SGO2: variants seen among roughly 807,000 people sequenced by gnomAD.
The protein encoded by SGO2 is shugoshin-like 2.
A neutral mutation model predicts 99.5 loss-of-function variants in SGO2; 68 were observed. The ratio of observed to expected loss-of-function variants is 0.68; its 90% CI spans 0.56 to 0.84. The LOEUF is 0.84. SGO2 is among the 40% of genes least tolerant of loss of function. The pLI, the probability that SGO2 is intolerant of heterozygous loss-of-function variation, is 0.00. For missense variants in SGO2, 1,350 were observed against 1,436.7 expected, an observed-to-expected ratio of 0.94 and a Z score of 0.97; for synonymous variants, 457 against 487.1, an observed-to-expected ratio of 0.94 and a Z score of 0.81.
At chr2:200,559,247 G>A (rs373254295) in intron 5 of SGO2, among the ~76,000 whole-genome samples, 47 of 152,216 alleles carry the variant, frequency 3.1e-4, no homozygotes, top group African/African-American at 1.1e-3. Context: ...ATCAAGTTAT[G>A]TGCTTAATGT....
chr2:200,556,001 G>C (rs567873157), intron 5 of SGO2, among the ~76,000 whole-genome samples: 1 of 152,256 alleles, frequency 6.6e-6, no homozygotes, highest in African/African-American at 2.4e-5. Context: ...TCTCACTCTT[G>C]TCATCCAGGC....
intron 5 of SGO2, among the ~76,000 whole-genome samples, chr2:200,563,454 G>T (rs1403644898): frequency 2.0e-5 from 3 of 152,178 alleles, no homozygotes; most frequent in Non-Finnish European, 4.4e-5. Context: ...GCAGGATTTG[G>T]TTTGCCAGTA....
At position 200,573,512 on chromosome 2, in the gene SGO2, C is replaced by A; in HGVS notation, c.3166C>A (p.Leu1056Ile). 1 of 1,612,298 alleles carries A rather than the reference C, an allele frequency of 6.2e-7. No individual in the cohort carries two copies. Among genetic ancestry groups the A allele is most frequent in the East Asian group, 2.2e-5 (1 of 44,826 alleles). ...QSTTTLNKKD[L>I]PFVEEIKEGE... ...CACTACCACTTTGAATAAAAAAGAT[C>A]TCCCTTTTGTGGAAGAAATAAAAGA... The change falls in exon 7 of 9, where the codon CTC becomes ATC. Residue 1056 changes from leucine (L) to isoleucine (I), a missense_variant. Leu to Ile is a conservative substitution (Grantham distance 5, BLOSUM62 2). Transcript: ENST00000357799.
At chr2:200,566,047 C>G (rs1056089273) in intron 5 of SGO2, among the ~76,000 whole-genome samples, 9 of 152,158 alleles carry the variant, frequency 5.9e-5, no homozygotes, top group African/African-American at 2.2e-4. Context: ...TATTACAGAT[C>G]GTCTAAAACC....
chr2:200,576,720 C>T (rs1005183251), intron 8 of SGO2, among the ~76,000 whole-genome samples: 1 of 152,198 alleles, frequency 6.6e-6, no homozygotes, highest in Non-Finnish European at 1.5e-5. Context: ...CCTCCCAATT[C>T]TAGGCAACCA....
chr2:200,530,578 G>A (rs1398110661), intron 1 of SGO2, among the ~76,000 whole-genome samples: 2 of 152,164 alleles, frequency 1.3e-5, no homozygotes, highest in African/African-American at 2.4e-5. Context: ...CACCAAAGAA[G>A]GGAGTGTAGA....
chr2:200,535,010 TTCAAAATATC>T lies in SGO2; in HGVS notation c.150_159del (p.Lys51Ter). ...TCTTTTTACAGATAATTCTTCTATTTTCAAAATATCTTTAAAGCACAACAACAGGGCATTA... is the reference window on the plus strand; with the variant it reads ...TCTTTTTACAGATAATTCTTCTATTTTTTAAAGCACAACAACAGGGCATTA... On this transcript the variant is annotated frameshift_variant, in exon 3 of 9. Transcript: ENST00000357799. LOFTEE classifies it high-confidence loss of function. The T allele has an allele frequency of 1.3e-6, 2 of 1,529,370 alleles. No homozygotes were observed. Among genetic ancestry groups the T allele is most frequent in the Non-Finnish European group, 1.7e-6 (2 of 1,150,864 alleles). 94.7% of individuals were successfully genotyped at this position (1,529,370 alleles called of 1,614,324 possible).
chr2:200,536,781 A>T (rs1213142368), intron 4 of SGO2, among the ~76,000 whole-genome samples: 1 of 152,092 alleles, frequency 6.6e-6, no homozygotes, highest in Non-Finnish European at 1.5e-5. Context: ...TCTAGTTGTT[A>T]CTAAGTGGGG....
At chr2:200,561,629 G>T (rs1240072088) in intron 5 of SGO2, among the ~76,000 whole-genome samples, 1 of 152,172 alleles carries the variant, frequency 6.6e-6, no homozygotes. Flanking sequence ...TTGAGGAATT[G>T]CCACCCTGTC....
chr2:200,539,857 T>C (rs1278298666), intron 4 of SGO2, among the ~76,000 whole-genome samples: 3 of 152,156 alleles, frequency 2.0e-5, no homozygotes, highest in Non-Finnish European at 4.4e-5. Context: ...ATGTTTTATC[T>C]TTTTTGCTAT....
At chr2:200,532,299 T>A in intron 1 of SGO2, 1 of 434,196 alleles carries the variant, frequency 2.3e-6, no homozygotes, top group Non-Finnish European at 3.0e-6. Flanking sequence ...TTTTTTTTTT[T>A]CAGATCTCTT....
Position 200,536,110 on chromosome 2 carries a change from A to G in SGO2, c.355A>G (p.Ile119Val), listed in dbSNP as rs745862336. The G allele has an allele frequency of 6.3e-7, 1 of 1,598,440 alleles. No homozygotes were observed. The highest frequency in any genetic ancestry group is 2.2e-5 in the East Asian group (1 of 44,522). The change falls in exon 4 of 9, where the codon ATA (isoleucine) becomes GTA (valine). Residue 119 changes from isoleucine (I) to valine (V), a missense_variant. Coordinates refer to ENST00000357799, the MANE Select transcript of SGO2 (RefSeq NM_152524.6). ...AGAAGCTCTCATGAACAATAACTTG[A>G]TAACTGCAATTGAAATGAGCAGTCT... ...DIEALMNNNLITAIEMSSLSE... is the reference protein window; with the variant it reads ...DIEALMNNNLVTAIEMSSLSE...
intron 1 of SGO2, among the ~76,000 whole-genome samples, chr2:200,532,551 A>C (rs2031460036): frequency 6.6e-6 from 1 of 152,084 alleles, no homozygotes; most frequent in Non-Finnish European, 1.5e-5. Flanking sequence ...AGACAAATTT[A>C]AGATTTCCTA....
intron 8 of SGO2, among the ~76,000 whole-genome samples, 148 bp from the exon 9 acceptor site, chr2:200,583,291 TTTAAGAAAAA>T (rs2033898665): frequency 6.6e-6 from 1 of 152,188 alleles, no homozygotes; most frequent in Non-Finnish European, 1.5e-5. Flanking sequence ...AACTATAAGA[TTTAAGAAAAA>T]TTAGAGTATT....
chr2:200,539,132 C>T (rs2031837246), intron 4 of SGO2, among the ~76,000 whole-genome samples: 1 of 152,042 alleles, frequency 6.6e-6, no homozygotes, highest in Admixed American at 6.5e-5. Context: ...CCATCTGGAC[C>T]TGGGACTTTT....
At position 200,532,373 on chromosome 2, in the gene SGO2, C is replaced by G. The variant is rs997491609; in HGVS notation, c.-2-601C>G. ...ATGGGGAGGTTGGTCTTACATGGCT[C>G]AACATCAACTGCTGCTTCTCAGTGA... is the stretch of plus-strand genomic sequence containing the variant. On this transcript the variant is annotated intron_variant, in intron 1 of 8. Transcript: ENST00000357799. 6.1e-6 allele frequency: 6 copies of G among 979,184 alleles called. No homozygotes were observed. In the Admixed American group the frequency reaches 3.3e-4, roughly 53 times the overall value. The allele number at this position is 979,184 out of a possible 1,614,324, so 60.7% of individuals were successfully genotyped here. A position where few individuals can be genotyped will look rare whatever the true frequency, so the allele number is the denominator to read the frequency against.
chr2:200,538,156 T>A (rs2031780196), intron 4 of SGO2, among the ~76,000 whole-genome samples: 1 of 152,186 alleles, frequency 6.6e-6, no homozygotes, highest in African/African-American at 2.4e-5. Flanking sequence ...AATGTTAGTC[T>A]CTGCTTCAAA....
chr2:200,573,798 CCTTT>C lies in SGO2; in HGVS notation c.3453_3456del (p.Phe1152ThrfsTer7). 1 of 1,612,484 alleles carries C rather than the reference CCTTT, an allele frequency of 6.2e-7. No individual in the cohort carries two copies. Among genetic ancestry groups the C allele is most frequent in the Non-Finnish European group, 8.5e-7 (1 of 1,179,212 alleles). On this transcript the variant is annotated frameshift_variant, in exon 7 of 9. Transcript: ENST00000357799. LOFTEE classifies it high-confidence loss of function. ...CATTCACCTAACATACAAGATTCTT[CCTTT>C]GACAGTGTTCGTGAAGGTTTAGTAC...
chr2:200,534,583 G>A (rs766443642), intron 2 of SGO2, among the ~76,000 whole-genome samples: 1 of 152,178 alleles, frequency 6.6e-6, no homozygotes, highest in African/African-American at 2.4e-5. Flanking sequence ...TCCCAGATTG[G>A]CTACCCTCAT....
Sources: allele counts gnomAD v4.1 joint callset (sites outside exome capture counted in the v4.1 genomes callset), GRCh38; gene constraint gnomAD v4.1.1; transcripts MANE v1.5; gene names NCBI Gene and HGNC (gene_info 2026-07-23, HGNC 2026-07-21).